VWA5A: variants seen among roughly 807,000 people sequenced by gnomAD.
VWA5A encodes the protein von Willebrand factor A domain containing 5A.
VWA5A carries 77 observed loss-of-function variants against 84.6 expected under a neutral mutation model. The observed-to-expected ratio is 0.91, with a 90% CI of 0.76 to 1.10. The LOEUF (loss-of-function observed/expected upper bound fraction) is 1.10. VWA5A is among the 50% of genes least tolerant of loss of function. The pLI is 0.00. For missense variants in VWA5A, 973 were observed against 963.0 expected, an observed-to-expected ratio of 1.01 and a Z score of -0.14; for synonymous variants, 334 against 350.1, an observed-to-expected ratio of 0.95 and a Z score of 0.51.
chr11:124,142,720 T>C lies in VWA5A; in HGVS notation c.2154+148T>C, dbSNP rs556839272. 194 of 1,098,636 alleles carry C rather than the reference T, an allele frequency of 1.8e-4. 1 individual carries two copies. The African/African-American group carries it at 2.7e-3, about 15-fold the overall frequency. The allele number at this position is 1,098,636 out of a possible 1,614,324, so 68.1% of individuals were successfully genotyped here. On this transcript the variant is annotated intron_variant, in intron 17 of 18. Coordinates refer to ENST00000456829, the MANE Select transcript of VWA5A (RefSeq NM_001130142.2). ...GTAATAAATAGAGGCTGAAGGTTTTTCCAGTCATGTTAGAGCAGAAAGATC... is the reference window on the plus strand; with the variant it reads ...GTAATAAATAGAGGCTGAAGGTTTTCCCAGTCATGTTAGAGCAGAAAGATC...
At chr11:124,132,780 T>C (rs1214346070) in intron 11 of VWA5A, among the ~76,000 whole-genome samples, 2 of 152,190 alleles carry the variant, frequency 1.3e-5, no homozygotes, top group African/African-American at 4.8e-5. Flanking sequence ...TTTATTATTT[T>C]CTTTCTTTTA....
At position 124,118,230 on chromosome 11, in the gene VWA5A, G is replaced by A. The variant is rs1176059886; in HGVS notation, c.288G>A (p.Gln96=). The part of the protein sequence containing the change: ...NYEKAISQGH[Q]AFLLEGDSSS... ...AGAAAGCCATCTCCCAGGGCCACCA[G>A]GCCTTCTTATTGGAGGGGGACAGCA... The change falls in exon 5 of 19, where the codon CAG becomes CAA. Residue 96 remains glutamine (Q), a synonymous_variant. Coordinates refer to ENST00000456829, the MANE Select transcript of VWA5A (RefSeq NM_001130142.2). The A allele has an allele frequency of 1.2e-6, 2 of 1,614,028 alleles. No individual in the cohort carries two copies. Among genetic ancestry groups the A allele is most frequent in the African/African-American group, 1.3e-5 (1 of 74,918 alleles).
intron 2 of VWA5A, 58 bp from the exon 3 acceptor site, chr11:124,117,439 G>A: frequency 6.8e-7 from 1 of 1,472,230 alleles, no homozygotes; most frequent in Non-Finnish European, 9.5e-7. Context: ...ATAAAGTACT[G>A]GTGTTTGAAC....
intron 4 of VWA5A, 25 bp from the exon 5 acceptor site, chr11:124,118,164 C>T: frequency 6.2e-7 from 1 of 1,603,974 alleles, no homozygotes; most frequent in Admixed American, 1.7e-5. Flanking sequence ...CCTTTCTTTC[C>T]CATCCCTCGC....
chr11:124,126,764 A>C (rs536326417), intron 11 of VWA5A, among the ~76,000 whole-genome samples: 6 of 152,120 alleles, frequency 3.9e-5, no homozygotes, highest in Non-Finnish European at 7.4e-5. Flanking sequence ...TTCTTGAAAA[A>C]AAAAAAAGAA....
intron 7 of VWA5A, 21 bp from the exon 8 acceptor site, chr11:124,122,939 G>T: frequency 6.2e-7 from 1 of 1,603,162 alleles, no homozygotes; most frequent in Non-Finnish European, 8.5e-7. Context: ...GTCTTACAGT[G>T]GCTTTATCCT....
At chr11:124,122,861 T>C in intron 7 of VWA5A, 99 bp from the exon 8 acceptor site, 1 of 1,269,896 alleles carries the variant, frequency 7.9e-7, no homozygotes, top group South Asian at 1.5e-5. Context: ...TAGATTTGAG[T>C]TTTCCTAGCT....
At chr11:124,117,351 C>A in intron 2 of VWA5A, 146 bp from the exon 3 acceptor site, 1 of 768,268 alleles carries the variant, frequency 1.3e-6, no homozygotes, top group South Asian at 1.7e-5. Context: ...AAATCTTTGT[C>A]TCCTTTTTTT....
At position 124,123,661 on chromosome 11, in the gene VWA5A, G is replaced by A; in HGVS notation, c.1021G>A (p.Glu341Lys). The A allele has an allele frequency of 6.2e-7, 1 of 1,614,088 alleles. No individual in the cohort carries two copies. Among genetic ancestry groups the A allele is most frequent in the African/African-American group, 1.3e-5 (1 of 75,026 alleles). The part of the protein sequence containing the change: ...FGSSYEACFP[E>K]SVKYTQQTME... ...ACTGGGTGTGTTTGTTTTTCTCAGG[G>A]AGAGTGTGAAGTACACTCAGCAAAC... The change falls in exon 10 of 19, where the codon GAG becomes AAG. Residue 341 changes from glutamate to lysine, a missense_variant and splice_region_variant. Coordinates refer to ENST00000456829, the MANE Select transcript of VWA5A (RefSeq NM_001130142.2).
chr11:124,132,328 A>G (rs773299287), intron 11 of VWA5A, among the ~76,000 whole-genome samples: 9 of 152,058 alleles, frequency 5.9e-5, no homozygotes, highest in Middle Eastern at 3.2e-3. Flanking sequence ...TTTGATATCA[A>G]TTTTATGCTA....
In VWA5A at chr11:124,145,951, C is replaced by G; in HGVS notation, c.*6C>G. 1 of 1,579,880 alleles carries G rather than the reference C, an allele frequency of 6.3e-7. No homozygotes were observed. The highest frequency in any genetic ancestry group is 8.6e-7 in the Non-Finnish European group (1 of 1,158,822). On this transcript the variant is annotated 3_prime_UTR_variant, in exon 19 of 19. Coordinates refer to ENST00000456829, the MANE Select transcript of VWA5A (RefSeq NM_001130142.2). ...CTGCTATCTTTGCCTTTTGAAGATA[C>G]CATCCAGAAAAAGAAGTGCCTTTAA... is the stretch of plus-strand genomic sequence containing the variant.
intron 15 of VWA5A, 100 bp from the exon 16 acceptor site, chr11:124,141,498 G>A: frequency 6.8e-7 from 1 of 1,471,034 alleles, no homozygotes. Context: ...GGTGACTGAA[G>A]CCAGTGTGGA....
Position 124,117,825 on chromosome 11 carries a change from G to A in VWA5A, c.196G>A (p.Ala66Thr), listed in dbSNP as rs764533161. Residue 66 changes from alanine (A) to threonine (T), a missense_variant, in exon 4 of 19, where the codon GCC becomes ACC. Physicochemically the swap from Ala to Thr is moderately conservative, Grantham distance 58 (BLOSUM62 0). Coordinates refer to ENST00000456829, the MANE Select transcript of VWA5A (RefSeq NM_001130142.2). ...DEDSAVYSFE[A>T]LVDGKKIVAE... ...AGACTCTGCTGTTTACAGCTTTGAG[G>A]CCTTGGTGGATGGGAAGAAAATTGT... The A allele has an allele frequency of 7.1e-5, 114 of 1,614,088 alleles. No homozygotes were observed. The East Asian group carries it at 2.5e-3, about 35-fold the overall frequency.
At position 124,136,200 on chromosome 11, in the gene VWA5A, T is replaced by C; in HGVS notation, c.1431T>C (p.Pro477=). ...TCTCTCTGAGCTGGCATTTGCCTCC[T>C]GGTCTGTCTGCTAAAATGCTTTCCC... ...EDVSLSWHLP[P]GLSAKMLSPE... Residue 477 remains proline (P), a synonymous_variant, in exon 13 of 19, where the codon CCT becomes CCC. Coordinates refer to ENST00000456829, the MANE Select transcript of VWA5A (RefSeq NM_001130142.2). 1.9e-6 allele frequency: 3 copies of C among 1,614,218 alleles called. No individual in the cohort carries two copies. The highest frequency in any genetic ancestry group is 2.5e-6 in the Non-Finnish European group (3 of 1,180,036).
chr11:124,125,794 A>G (rs1865010759), intron 11 of VWA5A, among the ~76,000 whole-genome samples: 1 of 152,220 alleles, frequency 6.6e-6, no homozygotes, highest in African/African-American at 2.4e-5. Flanking sequence ...TATGTTCTAG[A>G]AATACTCTAT....
intron 15 of VWA5A, among the ~76,000 whole-genome samples, chr11:124,139,440 A>G (rs1249656568): frequency 6.6e-6 from 1 of 152,126 alleles, no homozygotes; most frequent in Non-Finnish European, 1.5e-5. Context: ...ATATCTTTAC[A>G]TTTATTTGTG....
In VWA5A at chr11:124,116,683, G is replaced by A. The variant is rs1864836021; in HGVS notation, c.-16+3G>A. On this transcript the variant is annotated splice_donor_region_variant and intron_variant, in intron 2 of 18. Coordinates refer to ENST00000456829, the MANE Select transcript of VWA5A (RefSeq NM_001130142.2). ...GTCCTCTGCGTTGCTGTCGAATTGT[G>A]AGTCATTTTGCCACACTCAGTTTTT... is the stretch of plus-strand genomic sequence containing the variant. The A allele has an allele frequency of 6.6e-6, 1 of 152,140 alleles. No homozygotes were observed. The highest frequency in any genetic ancestry group is 2.4e-5 in the African/African-American group (1 of 41,406). 9.4% of individuals were successfully genotyped at this position (152,140 alleles called of 1,614,324 possible).
At chr11:124,117,970 TC>T in intron 4 of VWA5A, 95 bp downstream of exon 4, 1 of 1,443,778 alleles carries the variant, frequency 6.9e-7, no homozygotes. Flanking sequence ...AAATGTACCT[TC>T]ACAAAACATG....
chr11:124,140,498 C>A (rs2137663605), intron 15 of VWA5A, among the ~76,000 whole-genome samples: 1 of 152,002 alleles, frequency 6.6e-6, no homozygotes, highest in Admixed American at 6.5e-5. Context: ...GGATCTCACT[C>A]TGCTGCCCAG....
Sources: gnomAD v4.1 joint callset for allele counts (sites outside exome capture counted in the v4.1 genomes callset) on GRCh38, gnomAD v4.1.1 for gene constraint, MANE v1.5 for transcripts, NCBI Gene and HGNC (gene_info 2026-07-23, HGNC 2026-07-21) for gene names.